The following ABTB2 variants were observed in gnomAD, a reference collection of about 807,000 sequenced individuals.
ABTB2 encodes ankyrin repeat and BTB/POZ domain-containing protein 2.
Under a neutral mutation model 104.1 loss-of-function variants are expected in ABTB2, and 56 were observed. The ratio of observed to expected loss-of-function variants is 0.54; its 90% CI spans 0.43 to 0.67. ABTB2 has a LOEUF of 0.67. Among genes scored for constraint, ABTB2 ranks in the 30% least tolerant of loss-of-function variants. The pLI, the probability that ABTB2 is intolerant of heterozygous loss-of-function variation, is 0.00. For missense variants in ABTB2, 1,279 were observed against 1,407.7 expected, an observed-to-expected ratio of 0.91 and a Z score of 1.46; for synonymous variants, 606 against 608.2, an observed-to-expected ratio of 1.00 and a Z score of 0.05.
intron 1 of ABTB2, among the ~76,000 whole-genome samples, chr11:34,281,143 G>A (rs982454686): frequency 1.3e-5 from 2 of 152,160 alleles, no homozygotes; most frequent in African/African-American, 4.8e-5. Flanking sequence ...AGAACACCCA[G>A]CGTGGTCCCT....
At chr11:34,251,637 G>A (rs538506033) in intron 1 of ABTB2, among the ~76,000 whole-genome samples, 4 of 152,272 alleles carry the variant, frequency 2.6e-5, no homozygotes, top group African/African-American at 9.6e-5. Flanking sequence ...GTGCATTTGT[G>A]TAAGACTCCT....
At chr11:34,347,376 C>G (rs1855345585) in intron 1 of ABTB2, among the ~76,000 whole-genome samples, 1 of 152,106 alleles carries the variant, frequency 6.6e-6, no homozygotes, top group Non-Finnish European at 1.5e-5. Context: ...GAGGAGGCTG[C>G]AGTGAGCTGA....
At chr11:34,249,492 T>C (rs923909942) in intron 1 of ABTB2, among the ~76,000 whole-genome samples, 1 of 152,132 alleles carries the variant, frequency 6.6e-6, no homozygotes, top group African/African-American at 2.4e-5. Flanking sequence ...GGGAATATCC[T>C]CTAGTACAAT....
At chr11:34,327,092 A>G (rs941170454) in intron 1 of ABTB2, among the ~76,000 whole-genome samples, 1 of 152,234 alleles carries the variant, frequency 6.6e-6, no homozygotes, top group Non-Finnish European at 1.5e-5. Flanking sequence ...AAATAAGAAA[A>G]AAACATACCA....
chr11:34,258,602 GC>G (rs375014939), intron 1 of ABTB2, among the ~76,000 whole-genome samples: 11 of 137,064 alleles, frequency 8.0e-5, no homozygotes, highest in African/African-American at 3.1e-4. Context: ...AGAAGTGCCT[GC>G]TCTTTTTTTT....
chr11:34,162,107 T>G (rs1852729229), intron 10 of ABTB2, among the ~76,000 whole-genome samples: 1 of 152,220 alleles, frequency 6.6e-6, no homozygotes, highest in Non-Finnish European at 1.5e-5. Flanking sequence ...GGTATGCAGC[T>G]AACACAGGAC....
At chr11:34,182,488 T>G (rs865933521) in intron 3 of ABTB2, among the ~76,000 whole-genome samples, 2 of 93,962 alleles carry the variant, frequency 2.1e-5, no homozygotes, top group Admixed American at 1.1e-4. Context: ...GGTGGGGCAT[T>G]GGGTTCTCTG....
At chr11:34,247,089 C>T (rs544463318) in intron 1 of ABTB2, among the ~76,000 whole-genome samples, 40 of 152,228 alleles carry the variant, frequency 2.6e-4, no homozygotes, top group Middle Eastern at 3.4e-3. Context: ...TCAGGTGATC[C>T]GCCCACCTCA....
chr11:34,233,027 T>C (rs1853792680), intron 1 of ABTB2, among the ~76,000 whole-genome samples: 1 of 145,456 alleles, frequency 6.9e-6, no homozygotes, highest in African/African-American at 2.6e-5. Flanking sequence ...CCCTCCATCA[T>C]GCTGGGAGCC....
chr11:34,286,210 C>A lies in ABTB2; in HGVS notation c.883+70491G>T, dbSNP rs185989068. On this transcript the variant is annotated intron_variant, in intron 1 of 16. Transcript: ENST00000435224. ...TGGTGGCTCACACCTGTAATCCCAG[C>A]ACTTTGGGAGGCAGAGGCAGGAGGA... Among the ~76,000 whole-genome samples, 97 of 151,956 alleles carry A rather than the reference C, an allele frequency of 6.4e-4. 2 individuals are homozygous for A. The highest frequency in any genetic ancestry group is 1.5e-4 in the Non-Finnish European group (10 of 67,958).
chr11:34,357,318 G>A lies in ABTB2; in HGVS notation c.266C>T (p.Pro89Leu), dbSNP rs1855480308. ...PEVADLFSRC[P>L]RLPELEEFPW... ...GAACTCCTCCAGCTCGGGGAGCCGC[G>A]GACAGCGCGAGAAGAGGTCGGCCAC... is the stretch of plus-strand genomic sequence containing the variant. The change falls in exon 1 of 17, where the codon CCG becomes CTG. Residue 89 changes from proline to leucine, a missense_variant. Pro to Leu is a moderately conservative substitution (Grantham distance 98). Coordinates refer to ENST00000435224, the MANE Select transcript of ABTB2 (RefSeq NM_145804.3). 1.1e-5 allele frequency: 16 copies of A among 1,514,764 alleles called. No individual in the cohort carries two copies. The East Asian group carries it at 4.0e-4, about 38-fold the overall frequency. 93.8% of individuals were successfully genotyped at this position (1,514,764 alleles called of 1,614,324 possible).
intron 1 of ABTB2, among the ~76,000 whole-genome samples, chr11:34,350,097 A>T (rs991565388): frequency 5.3e-5 from 8 of 152,196 alleles, no homozygotes; most frequent in African/African-American, 1.9e-4. Context: ...TAGGTCAGTA[A>T]GAGGCAAATC....
At position 34,356,624 on chromosome 11, in the gene ABTB2, G is replaced by C; in HGVS notation, c.883+77C>G. ...TGGCACAGCCACCAGCTTTGTCTCA[G>C]GAAATTCACTCCCCCAGTAGCCCAG... On this transcript the variant is annotated intron_variant, in intron 1 of 16. Coordinates refer to ENST00000435224, the MANE Select transcript of ABTB2 (RefSeq NM_145804.3). The surrounding 1 kb of genome is among the most constrained non-coding windows in gnomAD (Gnocchi z 4.6). 2.1e-6 allele frequency: 3 copies of C among 1,452,084 alleles called. No individual in the cohort carries two copies. The highest frequency in any genetic ancestry group is 2.7e-6 in the Non-Finnish European group (3 of 1,094,134). The allele number at this position is 1,452,084 out of a possible 1,614,324, so 89.9% of individuals were successfully genotyped here.
At chr11:34,248,096 T>TTTTTTTTTTTTTTTTTTTTTTTAG in intron 1 of ABTB2, among the ~76,000 whole-genome samples, 1 of 116,234 alleles carries the variant, frequency 8.6e-6, no homozygotes, top group Non-Finnish European at 1.8e-5. Flanking sequence ...TAATTTTTCT[T>TTTTTTTTTTTTTTTTTTTTTTTAG]AAAAAAAAAA....
At position 34,197,406 on chromosome 11, in the gene ABTB2, T is replaced by C; in HGVS notation, c.1163A>G (p.Tyr388Cys). The C allele has an allele frequency of 1.2e-6, 2 of 1,612,214 alleles. No individual in the cohort carries two copies. Among genetic ancestry groups the C allele is most frequent in the Non-Finnish European group, 1.7e-6 (2 of 1,178,708 alleles). ...TWSPDALHTL[Y>C]YFLRCPQMES... ...CATCTGTGGACACCGCAGAAAGTAGTAGAGCGTGTGGAGGGCGTCGGGGGA... is the reference window on the plus strand; with the variant it reads ...CATCTGTGGACACCGCAGAAAGTAGCAGAGCGTGTGGAGGGCGTCGGGGGA... The change falls in exon 3 of 17, where the codon TAC becomes TGC. Residue 388 changes from tyrosine to cysteine, a missense_variant. By Grantham distance (194) the Tyr-to-Cys change is radical. Transcript: ENST00000435224.
intron 1 of ABTB2, among the ~76,000 whole-genome samples, chr11:34,251,425 C>T (rs913539608): frequency 6.6e-6 from 1 of 152,162 alleles, no homozygotes; most frequent in South Asian, 2.1e-4. Context: ...ACACAGCTCC[C>T]GACACTGTCT....
At chr11:34,197,112 T>C (rs547406453) in intron 3 of ABTB2, among the ~76,000 whole-genome samples, 1 of 150,970 alleles carries the variant, frequency 6.6e-6, no homozygotes, top group Non-Finnish European at 1.5e-5. Context: ...AGTGGCCCCA[T>C]GCTGCATCAG....
chr11:34,356,644 G>C lies in ABTB2; in HGVS notation c.883+57C>G, dbSNP rs1448650359. On this transcript the variant is annotated intron_variant, in intron 1 of 16. Transcript: ENST00000435224. The surrounding 1 kb of genome is among the most constrained non-coding windows in gnomAD (Gnocchi z 4.6). ...TCTCAGGAAATTCACTCCCCCAGTA[G>C]CCCAGGGCGGGATTTCTTGCCTACC... The C allele has an allele frequency of 2.7e-6, 4 of 1,482,710 alleles. No individual in the cohort carries two copies. The Admixed American group carries it at 9.2e-5, about 34-fold the overall frequency. 91.8% of individuals were successfully genotyped at this position (1,482,710 alleles called of 1,614,324 possible). A position where few individuals can be genotyped will look rare whatever the true frequency, so the allele number is the denominator to read the frequency against.
intron 1 of ABTB2, among the ~76,000 whole-genome samples, chr11:34,318,165 C>T (rs923483228): frequency 1.3e-5 from 2 of 152,048 alleles, no homozygotes; most frequent in South Asian, 2.1e-4. Flanking sequence ...GACAAGCTTT[C>T]GCCACATTGG....
Sources: gnomAD v4.1 joint callset for allele counts (sites outside exome capture counted in the v4.1 genomes callset) on GRCh38, gnomAD v4.1.1 for gene constraint, Gnocchi (gnomAD v3.1) non-coding constraint, MANE v1.5 for transcripts, NCBI Gene and HGNC (gene_info 2026-07-23, HGNC 2026-07-21) for gene names.